Variants in LY6G6F observed in about 807,000 individuals in gnomAD.
The protein encoded by LY6G6F is lymphocyte antigen 6 complex locus protein G6f.
In LY6G6F, 26 loss-of-function variants were observed where a neutral mutation model predicts 33.0. The observed-to-expected ratio is 0.79, with a 90% CI of 0.58 to 1.09. LY6G6F has a LOEUF of 1.09. LY6G6F is among the 50% of genes least tolerant of loss of function. The pLI, the probability that LY6G6F is intolerant of heterozygous loss-of-function variation, is 0.00. For synonymous variants in LY6G6F, 132 were observed against 148.1 expected (o/e 0.89, Z 0.79); for missense variants, 317 against 372.0 (o/e 0.85, Z 1.22).
intron 3 of LY6G6F, 125 bp downstream of exon 3, chr6:31,708,259 C>A: frequency 8.2e-7 from 1 of 1,220,470 alleles, no homozygotes; most frequent in Non-Finnish European, 1.1e-6. Context: ...CGAGATTTCA[C>A]CATTTTGGCC....
Position 31,710,406 on chromosome 6 carries a change from T to G in LY6G6F, c.857T>G (p.Leu286Trp). Residue 286 changes from leucine to tryptophan, a missense_variant, in exon 5 of 6, where the codon TTG becomes TGG. Transcript: ENST00000375832. The surrounding 1 kb of genome is among the most constrained non-coding windows in gnomAD (Gnocchi z 4.7). ...ATCCAGGTCTATGAGAACATCCATT[T>G]GGCCCGTCTTGGGTGAGGAACAGCT... is the stretch of plus-strand genomic sequence containing the variant. ...PEIQVYENIH[L>W]ARLGPPAHKP... 1 of 1,614,164 alleles carries G rather than the reference T, an allele frequency of 6.2e-7. No homozygotes were observed. Among genetic ancestry groups the G allele is most frequent in the Non-Finnish European group, 8.5e-7 (1 of 1,180,012 alleles).
rs1805911391 is a variant in LY6G6F at position 31,710,043 on chromosome 6, C to G, written c.664C>G (p.Pro222Ala). The G allele has an allele frequency of 6.2e-7, 1 of 1,612,798 alleles. No individual in the cohort carries two copies. Among genetic ancestry groups the G allele is most frequent in the Non-Finnish European group, 8.5e-7 (1 of 1,179,858 alleles). The change falls in exon 4 of 6, where the codon CCT (proline) becomes GCT (alanine). Residue 222 changes from proline to alanine, a missense_variant. Pro to Ala is a conservative substitution (Grantham distance 27). Transcript: ENST00000375832. The surrounding 1 kb of genome is among the most constrained non-coding windows in gnomAD (Gnocchi z 4.7). ...TACTACAGCCTCCATCGATGCTTCT[C>G]CTGCCCTCTGTGCCCCTTCCACGGG... ...FSLAASIDASPALCAPSTGWD... is the reference protein window; with the variant it reads ...FSLAASIDASAALCAPSTGWD...
chr6:31,707,995 TG>T lies in LY6G6F; in HGVS notation c.508del (p.Val170PhefsTer35). On this transcript the variant is annotated frameshift_variant, in exon 3 of 6. Coordinates refer to ENST00000375832, the MANE Select transcript of LY6G6F (RefSeq NM_001003693.3). LOFTEE classifies it high-confidence loss of function. This position sits in a 1 kb window ranked among gnomAD's most constrained non-coding sequence, Gnocchi z 4.1. ...QEGKGPVRGRVQSFWGSEAAL... is the reference protein window; with the variant it reads ...QEGKGPVRGRXQSFWGSEAAL... ...AAGGGAAGGGTCCCGTGAGGGGCCG[TG>T]TTCAGTCCTTCTGGGGCAGTGAGGC... The T allele has an allele frequency of 3.1e-6, 5 of 1,613,064 alleles. No individual in the cohort carries two copies. Among genetic ancestry groups the T allele is most frequent in the Non-Finnish European group, 4.2e-6 (5 of 1,180,012 alleles).
rs374601613 is a variant in LY6G6F, at chr6:31,707,601, C to T, written c.196C>T (p.Gln66Ter). The T allele has an allele frequency of 6.2e-7, 1 of 1,613,916 alleles. No homozygotes were observed. The highest frequency in any genetic ancestry group is 8.5e-7 in the Non-Finnish European group (1 of 1,179,896). ...GSFTTLVAQV[Q>*]VGRPAPDPGK... ...CTTCACCACCCTGGTAGCCCAAGTCCAAGTGGGCAGGCCAGCCCCAGACCC... is the reference window on the plus strand; with the variant it reads ...CTTCACCACCCTGGTAGCCCAAGTCTAAGTGGGCAGGCCAGCCCCAGACCC... Residue 66 changes from glutamine to a stop codon, truncating the protein, a stop_gained, in exon 2 of 6, where the codon CAA becomes TAA. Coordinates refer to ENST00000375832, the MANE Select transcript of LY6G6F (RefSeq NM_001003693.3). LOFTEE classifies it high-confidence loss of function. The surrounding 1 kb of genome is among the most constrained non-coding windows in gnomAD (Gnocchi z 4.1).
In LY6G6F at chr6:31,707,182, A is replaced by G. The variant is rs1481735508; in HGVS notation, c.52+224A>G. On this transcript the variant is annotated intron_variant, in intron 1 of 5. Coordinates refer to ENST00000375832, the MANE Select transcript of LY6G6F (RefSeq NM_001003693.3). The surrounding 1 kb of genome is among the most constrained non-coding windows in gnomAD (Gnocchi z 4.1). Reference sequence around the variant, plus strand: ...GAAGAATGAGTAAATGCTTCCAGAAAAGTAGAAATGAGTAGAAGAGATGTG... The same window carrying G: ...GAAGAATGAGTAAATGCTTCCAGAAGAGTAGAAATGAGTAGAAGAGATGTG... Among the ~76,000 whole-genome samples, 5 of 152,174 alleles carry G rather than the reference A, an allele frequency of 3.3e-5. No homozygotes were observed. Among genetic ancestry groups the G allele is most frequent in the Non-Finnish European group, 7.3e-5 (5 of 68,032 alleles).
chr6:31,707,608 G>A lies in LY6G6F; in HGVS notation c.203G>A (p.Gly68Asp), dbSNP rs749387027. 1.2e-6 allele frequency: 2 copies of A among 1,613,828 alleles called. No homozygotes were observed. The highest frequency in any genetic ancestry group is 1.7e-6 in the Non-Finnish European group (2 of 1,179,864). Residue 68 changes from glycine to aspartate, a missense_variant, in exon 2 of 6, where the codon GGC becomes GAC. Gly to Asp is a moderately conservative substitution (Grantham distance 94, BLOSUM62 -1). Coordinates refer to ENST00000375832, the MANE Select transcript of LY6G6F (RefSeq NM_001003693.3). The surrounding 1 kb of genome is among the most constrained non-coding windows in gnomAD (Gnocchi z 4.1). ...FTTLVAQVQV[G>D]RPAPDPGKPG... ...ACCCTGGTAGCCCAAGTCCAAGTGG[G>A]CAGGCCAGCCCCAGACCCTGGAAAA...
At position 31,710,547 on chromosome 6, in the gene LY6G6F, C is replaced by A; in HGVS notation, c.870-20C>A. The A allele has an allele frequency of 3.7e-6, 6 of 1,614,130 alleles. No individual in the cohort carries two copies. Among genetic ancestry groups the A allele is most frequent in the Non-Finnish European group, 5.1e-6 (6 of 1,180,002 alleles). ...AAAAGTAGAGGTATCCTTAATCTGT[C>A]TCTCTGGAAAACCCCACAGCCCACC... On this transcript the variant is annotated intron_variant, in intron 5 of 5. Coordinates refer to ENST00000375832, the MANE Select transcript of LY6G6F (RefSeq NM_001003693.3). This position sits in a 1 kb window ranked among gnomAD's most constrained non-coding sequence, Gnocchi z 4.7.
intron 3 of LY6G6F, among the ~76,000 whole-genome samples, chr6:31,708,701 C>T (rs1303237462): frequency 6.6e-6 from 1 of 152,012 alleles, no homozygotes; most frequent in Non-Finnish European, 1.5e-5. Context: ...CCGAAGCAGG[C>T]GGATCACTTG....
Position 31,706,965 on chromosome 6 carries a change from G to A in LY6G6F, c.52+7G>A, listed in dbSNP as rs1289557244. On this transcript the variant is annotated splice_region_variant and intron_variant, in intron 1 of 5. Coordinates refer to ENST00000375832, the MANE Select transcript of LY6G6F (RefSeq NM_001003693.3). ...GGAACTCCCCAGGCTGCAGGTAAGG[G>A]GCAAGAGGTACGGGATTCCTTAGCT... 6.2e-7 allele frequency: 1 copy of A among 1,613,820 alleles called. No individual in the cohort carries two copies. Among genetic ancestry groups the A allele is most frequent in the Non-Finnish European group, 8.5e-7 (1 of 1,179,888 alleles).
At chr6:31,709,075 T>TC (rs1805829647) in intron 3 of LY6G6F, among the ~76,000 whole-genome samples, 1 of 137,386 alleles carries the variant, frequency 7.3e-6, no homozygotes, top group East Asian at 2.1e-4. Flanking sequence ...TTTTTTTTTT[T>TC]TTTTTTTTTT....
chr6:31,707,079 A>C lies in LY6G6F; in HGVS notation c.52+121A>C, dbSNP rs914670324. 27 of 1,044,834 alleles carry C rather than the reference A, an allele frequency of 2.6e-5. No individual in the cohort carries two copies. Among genetic ancestry groups the C allele is most frequent in the East Asian group, 4.9e-5 (2 of 41,134 alleles). 64.7% of individuals were successfully genotyped at this position (1,044,834 alleles called of 1,614,324 possible). A position where few individuals can be genotyped will look rare whatever the true frequency, so the allele number is the denominator to read the frequency against. On this transcript the variant is annotated intron_variant, in intron 1 of 5. Coordinates refer to ENST00000375832, the MANE Select transcript of LY6G6F (RefSeq NM_001003693.3). The surrounding 1 kb of genome is among the most constrained non-coding windows in gnomAD (Gnocchi z 4.1). ...CAAGAAGATAGAATTACCCCAACCA[A>C]CCTCCTCCTGCCTCTGACACTAGGG...
In LY6G6F at chr6:31,707,826, A is replaced by G; in HGVS notation, c.382+39A>G. On this transcript the variant is annotated intron_variant, in intron 2 of 5. Transcript: ENST00000375832. This position sits in a 1 kb window ranked among gnomAD's most constrained non-coding sequence, Gnocchi z 4.1. ...TGCAGACCAGGGGCTACTGTGGCCC[A>G]GGAAGTCCAGGTGAAGAACTGAGGA... 6.2e-7 allele frequency: 1 copy of G among 1,608,052 alleles called. No homozygotes were observed. Among genetic ancestry groups the G allele is most frequent in the Non-Finnish European group, 8.5e-7 (1 of 1,175,590 alleles).
In LY6G6F at chr6:31,708,135, G is replaced by A. The variant is rs370164367; in HGVS notation, c.646+1G>A. 1 of 1,529,276 alleles carries A rather than the reference G, an allele frequency of 6.5e-7. No homozygotes were observed. The highest frequency in any genetic ancestry group is 1.4e-5 in the African/African-American group (1 of 72,184). The allele number at this position is 1,529,276 out of a possible 1,614,324, so 94.7% of individuals were successfully genotyped here. A position where few individuals can be genotyped will look rare whatever the true frequency, so the allele number is the denominator to read the frequency against. On this transcript the variant is annotated splice_donor_variant, in intron 3 of 5. Transcript: ENST00000375832. LOFTEE classifies it high-confidence loss of function. The stretch of plus-strand genomic sequence containing the variant: ...AAAGGGGTCAGCTTTAGCCTGGCAG[G>A]TAAACTGAGGAAGGAGACGGAAAGG...
chr6:31,710,465 G>A lies in LY6G6F; in HGVS notation c.869+47G>A. On this transcript the variant is annotated intron_variant, in intron 5 of 5. Transcript: ENST00000375832. The surrounding 1 kb of genome is among the most constrained non-coding windows in gnomAD (Gnocchi z 4.7). The stretch of plus-strand genomic sequence containing the variant: ...GAGGCTTAAATCCTGGAGGGGACTG[G>A]GGATGGAGAGGAAACACGGGTTGGG... 5.6e-6 allele frequency: 9 copies of A among 1,613,812 alleles called. No individual in the cohort carries two copies. Among genetic ancestry groups the A allele is most frequent in the Non-Finnish European group, 6.8e-6 (8 of 1,179,706 alleles).
chr6:31,707,039 C>A lies in LY6G6F; in HGVS notation c.52+81C>A. 1 of 1,449,228 alleles carries A rather than the reference C, an allele frequency of 6.9e-7. No individual in the cohort carries two copies. Among genetic ancestry groups the A allele is most frequent in the Non-Finnish European group, 9.7e-7 (1 of 1,030,642 alleles). 89.8% of individuals were successfully genotyped at this position (1,449,228 alleles called of 1,614,324 possible). ...ACTGCTCTTTCTCCTAGGAGCCTGG[C>A]GAAGGCATCTGACTCAAGAAGATAG... On this transcript the variant is annotated intron_variant, in intron 1 of 5. Coordinates refer to ENST00000375832, the MANE Select transcript of LY6G6F (RefSeq NM_001003693.3). This position sits in a 1 kb window ranked among gnomAD's most constrained non-coding sequence, Gnocchi z 4.1.
Position 31,710,565 on chromosome 6 carries a change from A to G in LY6G6F, c.870-2A>G, listed in dbSNP as rs1805968473. 6.2e-7 allele frequency: 1 copy of G among 1,613,980 alleles called. No individual in the cohort carries two copies. Among genetic ancestry groups the G allele is most frequent in the South Asian group, 1.1e-5 (1 of 91,074 alleles). ...AATCTGTCTCTCTGGAAAACCCCAC[A>G]GCCCACCTGCCCACAAGCCCAGGTG... On this transcript the variant is annotated splice_acceptor_variant, in intron 5 of 5. Coordinates refer to ENST00000375832, the MANE Select transcript of LY6G6F (RefSeq NM_001003693.3). LOFTEE classifies it high-confidence loss of function. The surrounding 1 kb of genome is among the most constrained non-coding windows in gnomAD (Gnocchi z 4.7).
Position 31,710,492 on chromosome 6 carries a change from T to TGGGGA in LY6G6F, c.870-74_870-70dup. ...GATGGAGAGGAAACACGGGTTGGGT[T>TGGGGA]GGGGATGGGCCCTCGTTCCTGAGGA... On this transcript the variant is annotated intron_variant, in intron 5 of 5. Coordinates refer to ENST00000375832, the MANE Select transcript of LY6G6F (RefSeq NM_001003693.3). This position sits in a 1 kb window ranked among gnomAD's most constrained non-coding sequence, Gnocchi z 4.7. 6.2e-7 allele frequency: 1 copy of TGGGGA among 1,613,598 alleles called. No homozygotes were observed. The highest frequency in any genetic ancestry group is 8.5e-7 in the Non-Finnish European group (1 of 1,179,584).
At position 31,707,510 on chromosome 6, in the gene LY6G6F, T is replaced by C; in HGVS notation, c.105T>C (p.Cys35=). 1 of 1,614,182 alleles carries C rather than the reference T, an allele frequency of 6.2e-7. No individual in the cohort carries two copies. Among genetic ancestry groups the C allele is most frequent in the East Asian group, 2.2e-5 (1 of 44,888 alleles). ...TGGGGGAGGCAGTAGAGCTGCCATG[T>C]CCCTCACCACCTACTCTACATGGGG... ...VALGEAVELP[C]PSPPTLHGDE... The change falls in exon 2 of 6, where the codon TGT becomes TGC. Residue 35 remains cysteine, a synonymous_variant. Transcript: ENST00000375832. This position sits in a 1 kb window ranked among gnomAD's most constrained non-coding sequence, Gnocchi z 4.1.
In LY6G6F at chr6:31,708,102, C is replaced by T; in HGVS notation, c.614C>T (p.Thr205Ile). 6.3e-7 allele frequency: 1 copy of T among 1,591,830 alleles called. No homozygotes were observed. The highest frequency in any genetic ancestry group is 2.2e-5 in the East Asian group (1 of 44,656). ...RRPRIIRCLM[T>I]HNKGVSFSLA... ...CCAAGAATCATCCGCTGCCTCATGA[C>T]TCACAACAAAGGGGTCAGCTTTAGC... The change falls in exon 3 of 6, where the codon ACT (threonine) becomes ATT (isoleucine). Residue 205 changes from threonine (T) to isoleucine (I), a missense_variant. By Grantham distance (89) the Thr-to-Ile change is moderately conservative (BLOSUM62 -1). Coordinates refer to ENST00000375832, the MANE Select transcript of LY6G6F (RefSeq NM_001003693.3).
Sources: allele counts gnomAD v4.1 joint callset (sites outside exome capture counted in the v4.1 genomes callset), GRCh38; gene constraint gnomAD v4.1.1; non-coding constraint Gnocchi (gnomAD v3.1); transcripts MANE v1.5; gene names NCBI Gene and HGNC (gene_info 2026-07-23, HGNC 2026-07-21).